PRIM2: variants seen among roughly 807,000 people sequenced by gnomAD.
PRIM2 encodes DNA primase large subunit.
A neutral mutation model predicts 67.3 loss-of-function variants in PRIM2; 39 were observed. The observed-to-expected ratio is 0.58, with a 90% CI of 0.45 to 0.76. The LOEUF (loss-of-function observed/expected upper bound fraction) is 0.76. Among genes scored for constraint, PRIM2 ranks in the 30% least tolerant of loss-of-function variants. PRIM2 has a pLI of 0.00. For synonymous variants in PRIM2, 143 were observed against 198.7 expected (o/e 0.72, Z 2.36); for missense variants, 398 against 598.7 (o/e 0.66, Z 3.50).
At chr6:57,328,708 G>A (rs758206762) in intron 5 of PRIM2, among the ~76,000 whole-genome samples, 2 of 152,146 alleles carry the variant, frequency 1.3e-5, no homozygotes, top group Non-Finnish European at 2.9e-5. Context: ...GTCATAGGGT[G>A]ATTCTGTGTT....
rs1554348067 is a variant in PRIM2 at position 57,514,851 on chromosome 6, C to T, written c.761+7397C>T. Among the ~76,000 whole-genome samples the T allele has an allele frequency of 1.4e-3, 219 of 152,050 alleles. 1 individual carries two copies. Among genetic ancestry groups the T allele is most frequent in the African/African-American group, 4.1e-3 (169 of 41,360 alleles). On this transcript the variant is annotated intron_variant, in intron 8 of 13. Coordinates refer to ENST00000615550, the MANE Select transcript of PRIM2 (RefSeq NM_000947.5). ...GGGAAAGAGGACCAAAATTTATAAA[C>T]AGTACCCCCCTCCCCACCCACACAC...
intron 10 of PRIM2, among the ~76,000 whole-genome samples, chr6:57,562,345 G>A (rs1226929574): frequency 6.6e-6 from 1 of 152,122 alleles, no homozygotes; most frequent in Non-Finnish European, 1.5e-5. Context: ...TAAAAAATGC[G>A]CTATCTATGA....
chr6:57,366,674 C>T (rs958918890), intron 5 of PRIM2, among the ~76,000 whole-genome samples: 2 of 152,066 alleles, frequency 1.3e-5, no homozygotes, highest in Non-Finnish European at 2.9e-5. Flanking sequence ...CGTGCCTGTT[C>T]CAGTTTTAGT....
rs1320857656 is a variant in PRIM2, at chr6:57,319,855, G to C, written c.155-602G>C. Among the ~76,000 whole-genome samples the C allele has an allele frequency of 2.0e-5, 3 of 152,018 alleles. No homozygotes were observed. In the East Asian group the frequency reaches 5.9e-4, roughly 30 times the overall value. The stretch of plus-strand genomic sequence containing the variant: ...CATACCTGTGGGACATGGGGTTTAT[G>C]TTCAGGAGACAATTAGAAGTTCTTC... On this transcript the variant is annotated intron_variant, in intron 2 of 13. Transcript: ENST00000615550.
chr6:57,618,381 C>A (rs1182762652), intron 12 of PRIM2, among the ~76,000 whole-genome samples: 1 of 152,332 alleles, frequency 6.6e-6, no homozygotes, highest in East Asian at 1.9e-4. Flanking sequence ...GACAGAGCAG[C>A]ATGTGGAGGC....
chr6:57,370,558 C>G (rs931937161), intron 5 of PRIM2, among the ~76,000 whole-genome samples: 2 of 151,834 alleles, frequency 1.3e-5, no homozygotes, highest in African/African-American at 2.4e-5. Context: ...CAAAGAAAAC[C>G]AGAATATTTA....
At chr6:57,489,254 T>C (rs1773822416) in intron 7 of PRIM2, among the ~76,000 whole-genome samples, 1 of 152,228 alleles carries the variant, frequency 6.6e-6, no homozygotes, top group African/African-American at 2.4e-5. Context: ...GTGTGGTGTT[T>C]TAAAAGTGTT....
intron 7 of PRIM2, among the ~76,000 whole-genome samples, chr6:57,412,477 C>T (rs1771118998): frequency 6.6e-6 from 1 of 151,928 alleles, no homozygotes; most frequent in Non-Finnish European, 1.5e-5. Flanking sequence ...ATTATTGGGT[C>T]AGAGGGTCGA....
chr6:57,633,011 A>C, intron 13 of PRIM2, among the ~76,000 whole-genome samples: 1 of 152,352 alleles, frequency 6.6e-6, no homozygotes, highest in South Asian at 2.1e-4. Context: ...TGTAAAGCCA[A>C]TGTCACAAAC....
chr6:57,358,285 G>A (rs1027651244), intron 5 of PRIM2, among the ~76,000 whole-genome samples: 1 of 152,162 alleles, frequency 6.6e-6, no homozygotes, highest in Non-Finnish European at 1.5e-5. Flanking sequence ...GTGTACTTAT[G>A]GACATCAGAT....
At chr6:57,576,134 ACATGTTCCCAACATGTTGGGAAGG>A (rs1197821762) in intron 10 of PRIM2, among the ~76,000 whole-genome samples, 14 of 151,854 alleles carry the variant, frequency 9.2e-5, no homozygotes, top group Non-Finnish European at 1.9e-4. Flanking sequence ...TGTTGGGAAA[ACATGTTCCCAACATGTTGGGAAGG>A]CATGTTCATG....
intron 8 of PRIM2, among the ~76,000 whole-genome samples, chr6:57,529,225 G>T (rs1333946533): frequency 6.6e-6 from 1 of 151,952 alleles, no homozygotes. Flanking sequence ...CAGGAGAATG[G>T]CGTGAACCCG....
intron 5 of PRIM2, among the ~76,000 whole-genome samples, chr6:57,371,028 C>G (rs897548141): frequency 6.6e-6 from 1 of 151,596 alleles, no homozygotes; most frequent in African/African-American, 2.4e-5. Context: ...CTAATCTGAG[C>G]AAGACTAGAT....
chr6:57,276,760 G>A, the PRIM2 span, among the ~76,000 whole-genome samples: 15 of 151,978 alleles, frequency 9.9e-5, 1 homozygote, highest in South Asian at 4.2e-4. Flanking sequence ...TTAGCTGGGC[G>A]TGGTGGTGCA....
the PRIM2 span, among the ~76,000 whole-genome samples, chr6:57,238,537 T>C: frequency 2.0e-5 from 3 of 152,106 alleles, no homozygotes; most frequent in Non-Finnish European, 4.4e-5. Flanking sequence ...CACAACATAC[T>C]AGAATTTCTG....
intron 5 of PRIM2, among the ~76,000 whole-genome samples, chr6:57,344,032 A>G (rs994022238): frequency 5.9e-5 from 9 of 152,124 alleles, no homozygotes; most frequent in African/African-American, 2.2e-4. Flanking sequence ...ACTTAGCAGG[A>G]TTCTCACTGA....
At chr6:57,352,377 A>G (rs1487569105) in intron 5 of PRIM2, among the ~76,000 whole-genome samples, 1 of 152,052 alleles carries the variant, frequency 6.6e-6, no homozygotes. Context: ...AGTAGCTGGG[A>G]TTACAGGTGT....
At chr6:57,373,929 G>T (rs1281170791) in intron 5 of PRIM2, among the ~76,000 whole-genome samples, 1 of 151,886 alleles carries the variant, frequency 6.6e-6, no homozygotes, top group Admixed American at 6.6e-5. Context: ...GGTTATTTGG[G>T]CTCCTTTTTG....
intron 5 of PRIM2, among the ~76,000 whole-genome samples, chr6:57,332,067 G>C (rs1768073526): frequency 6.6e-6 from 1 of 151,972 alleles, no homozygotes; most frequent in East Asian, 1.9e-4. Context: ...CACTACTTCA[G>C]ATGCAAACCA....
Sources: allele counts gnomAD v4.1 joint callset (sites outside exome capture counted in the v4.1 genomes callset), GRCh38; gene constraint gnomAD v4.1.1; transcripts MANE v1.5; gene names NCBI Gene and HGNC (gene_info 2026-07-23, HGNC 2026-07-21).